Variants in PIP5K1B observed in about 807,000 individuals in gnomAD.
PIP5K1B encodes phosphatidylinositol-4-phosphate 5-kinase type 1 beta.
In PIP5K1B, 42 loss-of-function variants were observed where a neutral mutation model predicts 67.0. The observed-to-expected ratio is 0.63, with a 90% CI of 0.49 to 0.81. The LOEUF (loss-of-function observed/expected upper bound fraction) is 0.81, where lower values mean the gene tolerates loss of function less well. Among genes scored for constraint, PIP5K1B ranks in the 30% least tolerant of loss-of-function variants. PIP5K1B has a pLI of 0.00. For synonymous variants in PIP5K1B, 214 were observed against 231.4 expected (o/e 0.92, Z 0.68); for missense variants, 459 against 646.3 (o/e 0.71, Z 3.14).
intron 11 of PIP5K1B, among the ~76,000 whole-genome samples, chr9:68,921,433 A>G (rs185430866): frequency 6.4e-4 from 97 of 152,328 alleles, no homozygotes; most frequent in Non-Finnish European, 1.2e-3. Flanking sequence ...GACTGCATAC[A>G]TAGTACCTCG....
At chr9:68,858,286 T>C (rs1181836304) in intron 4 of PIP5K1B, among the ~76,000 whole-genome samples, 2 of 152,148 alleles carry the variant, frequency 1.3e-5, no homozygotes, top group African/African-American at 4.8e-5. Context: ...CTCTTGCTGT[T>C]GACAGGTGAT....
intron 14 of PIP5K1B, among the ~76,000 whole-genome samples, chr9:68,949,804 A>G (rs957341869): frequency 6.6e-6 from 1 of 152,240 alleles, no homozygotes; most frequent in African/African-American, 2.4e-5. Flanking sequence ...TATGGACGGC[A>G]AAAGGAAAGT....
chr9:68,890,585 T>A (rs1405339611), intron 7 of PIP5K1B, among the ~76,000 whole-genome samples: 1 of 151,556 alleles, frequency 6.6e-6, no homozygotes, highest in African/African-American at 2.4e-5. Context: ...CATATAGAAG[T>A]ATAAAAATAA....
At chr9:68,804,254 C>T (rs1049998064) in intron 2 of PIP5K1B, among the ~76,000 whole-genome samples, 1 of 151,892 alleles carries the variant, frequency 6.6e-6, no homozygotes, top group Non-Finnish European at 1.5e-5. Flanking sequence ...GGAAAGTAGT[C>T]GATTCAGGAA....
chr9:68,734,691 A>G (rs944866175), intron 1 of PIP5K1B, among the ~76,000 whole-genome samples: 32 of 152,360 alleles, frequency 2.1e-4, no homozygotes, highest in Middle Eastern at 6.8e-3. Flanking sequence ...CCTCCAGTCT[A>G]TACAAAAGGG....
intron 2 of PIP5K1B, among the ~76,000 whole-genome samples, chr9:68,762,721 A>G (rs981201269): frequency 6.6e-6 from 1 of 152,120 alleles, no homozygotes; most frequent in Non-Finnish European, 1.5e-5. Context: ...TACATTGGTT[A>G]AGAGGGCTCA....
chr9:68,780,251 C>T, intron 2 of PIP5K1B: 20 of 1,543,144 alleles, frequency 1.3e-5, no homozygotes, highest in Non-Finnish European at 1.7e-5. Flanking sequence ...GCGGCGGCGG[C>T]GGGGGCCTCA....
At chr9:68,877,852 A>G (rs1030616756) in intron 6 of PIP5K1B, among the ~76,000 whole-genome samples, 9 of 152,306 alleles carry the variant, frequency 5.9e-5, no homozygotes, top group African/African-American at 2.2e-4. Flanking sequence ...CACATCAATA[A>G]GTCTCCAAAG....
intron 2 of PIP5K1B, chr9:68,782,181 C>T (rs1587439440): frequency 6.0e-6 from 1 of 167,172 alleles, no homozygotes; most frequent in East Asian, 1.9e-4. Context: ...ACTTGGGTTT[C>T]TGACAGCAAC....
At chr9:68,926,647 C>T (rs1826719127) in intron 12 of PIP5K1B, among the ~76,000 whole-genome samples, 1 of 152,146 alleles carries the variant, frequency 6.6e-6, no homozygotes, top group Non-Finnish European at 1.5e-5. Flanking sequence ...TCTTGGCTTA[C>T]TGCAACCTCT....
chr9:68,908,492 C>T (rs985563172), intron 8 of PIP5K1B, among the ~76,000 whole-genome samples: 2 of 151,016 alleles, frequency 1.3e-5, no homozygotes, highest in Non-Finnish European at 2.9e-5. Flanking sequence ...TTCTAAATCA[C>T]GGCATACACA....
intron 13 of PIP5K1B, among the ~76,000 whole-genome samples, chr9:68,937,677 G>T (rs562826709): frequency 2.7e-4 from 41 of 152,236 alleles, no homozygotes; most frequent in African/African-American, 9.4e-4. Flanking sequence ...TGCTTCTCTA[G>T]TTCTTGTAAT....
intron 15 of PIP5K1B, among the ~76,000 whole-genome samples, chr9:68,996,085 A>C (rs1830591659): frequency 6.6e-6 from 1 of 152,240 alleles, no homozygotes; most frequent in African/African-American, 2.4e-5. Context: ...TTTTATTTAT[A>C]CAGTAATGTA....
chr9:68,723,786 G>C (rs543519048), intron 1 of PIP5K1B, among the ~76,000 whole-genome samples: 1 of 136,888 alleles, frequency 7.3e-6, no homozygotes, highest in Non-Finnish European at 1.5e-5. Context: ...TAAATGGATA[G>C]TTTGCAAATA....
At chr9:68,857,794 G>A (rs1441846403) in intron 4 of PIP5K1B, among the ~76,000 whole-genome samples, 2 of 152,160 alleles carry the variant, frequency 1.3e-5, no homozygotes, top group Admixed American at 6.5e-5. Context: ...TTGAGCCCAG[G>A]AGTTTGAGGT....
At chr9:68,999,987 AG>A (rs1830747984) in intron 15 of PIP5K1B, among the ~76,000 whole-genome samples, 1 of 152,142 alleles carries the variant, frequency 6.6e-6, no homozygotes, top group African/African-American at 2.4e-5. Flanking sequence ...CAGAGGTCAA[AG>A]GCAGCTTACT....
chr9:68,710,821 G>A (rs1385618432), intron 1 of PIP5K1B, among the ~76,000 whole-genome samples: 1 of 152,212 alleles, frequency 6.6e-6, no homozygotes, highest in Non-Finnish European at 1.5e-5. Context: ...TATGTAACAT[G>A]TTTGGGTAAT....
intron 1 of PIP5K1B, among the ~76,000 whole-genome samples, chr9:68,724,139 A>G: frequency 6.6e-6 from 1 of 151,790 alleles, no homozygotes; most frequent in East Asian, 1.9e-4. Context: ...TCCTTTCCCC[A>G]GTGTATGTTC....
chr9:68,759,846 A>G (rs1424665455), intron 2 of PIP5K1B, among the ~76,000 whole-genome samples: 1 of 152,112 alleles, frequency 6.6e-6, no homozygotes, highest in Non-Finnish European at 1.5e-5. Flanking sequence ...AATTTCACCT[A>G]TTACATTGTA....
Sources: gnomAD v4.1 joint callset for allele counts (sites outside exome capture counted in the v4.1 genomes callset) on GRCh38, gnomAD v4.1.1 for gene constraint, MANE v1.5 for transcripts, NCBI Gene and HGNC (gene_info 2026-07-23, HGNC 2026-07-21) for gene names.